Variants in MDGA2 observed in about 807,000 individuals in gnomAD.
MDGA2 encodes the protein MAM domain containing glycosylphosphatidylinositol anchor 2, also known as MAM domain-containing glycosylphosphatidylinositol anchor protein 2.
Under a neutral mutation model 117.8 loss-of-function variants are expected in MDGA2, and 40 were observed. The observed-to-expected ratio is 0.34, with a 90% CI of 0.26 to 0.44. The LOEUF is 0.44. Among genes scored for constraint, MDGA2 ranks in the 20% least tolerant of loss-of-function variants. The probability of loss-of-function intolerance (pLI) is 1.00; values close to 1 mark genes in which losing one functional copy is unlikely to be tolerated. For synonymous variants in MDGA2, 452 were observed against 439.0 expected, an observed-to-expected ratio of 1.03 and a Z score of -0.37; for missense variants, 1,123 against 1,250.6, an observed-to-expected ratio of 0.90 and a Z score of 1.54.
chr14:47,378,951 T>C (rs1402308341), intron 1 of MDGA2, among the ~76,000 whole-genome samples: 2 of 152,044 alleles, frequency 1.3e-5, no homozygotes, highest in African/African-American at 2.4e-5. Flanking sequence ...GAAAAAATGA[T>C]AAGGGCAGCC....
intron 1 of MDGA2, among the ~76,000 whole-genome samples, chr14:47,616,414 A>T (rs1896949716): frequency 6.6e-6 from 1 of 152,230 alleles, no homozygotes; most frequent in African/African-American, 2.4e-5. Flanking sequence ...CAAAAAAAGA[A>T]GAAGACCTAA....
chr14:47,458,941 T>C (rs1199354671), intron 1 of MDGA2, among the ~76,000 whole-genome samples: 1 of 150,318 alleles, frequency 6.7e-6, no homozygotes, highest in African/African-American at 2.5e-5. Flanking sequence ...TTATCTAGTA[T>C]GGTTCTGTGG....
At chr14:47,663,708 G>A (rs537090708) in intron 1 of MDGA2, among the ~76,000 whole-genome samples, 2 of 152,120 alleles carry the variant, frequency 1.3e-5, no homozygotes, top group Admixed American at 6.5e-5. Context: ...AAAACTAGAA[G>A]ATGTGACACA....
At chr14:47,097,660 G>GA (rs1313619535) in intron 5 of MDGA2, among the ~76,000 whole-genome samples, 1 of 151,798 alleles carries the variant, frequency 6.6e-6, no homozygotes, top group Admixed American at 6.6e-5. Flanking sequence ...GTTCTCGAAA[G>GA]AAAAAAATAA....
In MDGA2 at chr14:47,282,176, A is replaced by G. The variant is rs542903074; in HGVS notation, c.420+19235T>C. Among the ~76,000 whole-genome samples, 33 of 152,304 alleles carry G rather than the reference A, an allele frequency of 2.2e-4. No homozygotes were observed. The South Asian group carries it at 6.4e-3, about 30-fold the overall frequency. Reference sequence around the variant, plus strand: ...ATTTTTCTGAAAAACGAATATATGCATAAGCATTCTAAATGTGGCCATTCA... The same window carrying G: ...ATTTTTCTGAAAAACGAATATATGCGTAAGCATTCTAAATGTGGCCATTCA... On this transcript the variant is annotated intron_variant, in intron 2 of 16. Coordinates refer to ENST00000399232, the MANE Select transcript of MDGA2 (RefSeq NM_001113498.3).
Position 47,390,644 on chromosome 14 carries a change from T to A in MDGA2, c.281-89094A>T, listed in dbSNP as rs146504632. On this transcript the variant is annotated intron_variant, in intron 1 of 16. Transcript: ENST00000399232. ...CTGCTCAGACACATAAAAGGGTGAT[T>A]TCTTTCTATCTTCGCAATCTCTTTA... Among the ~76,000 whole-genome samples, 55 of 152,280 alleles carry A rather than the reference T, an allele frequency of 3.6e-4. No homozygotes were observed. The South Asian group carries it at 6.4e-3, about 18-fold the overall frequency.
At chr14:47,219,142 T>G (rs1886206950) in intron 2 of MDGA2, among the ~76,000 whole-genome samples, 1 of 152,090 alleles carries the variant, frequency 6.6e-6, no homozygotes, top group African/African-American at 2.4e-5. Flanking sequence ...AATCCTCTGT[T>G]CAAACACATA....
intron 2 of MDGA2, among the ~76,000 whole-genome samples, chr14:47,297,837 T>C (rs2139800063): frequency 6.6e-6 from 1 of 152,320 alleles, no homozygotes; most frequent in East Asian, 1.9e-4. Flanking sequence ...AAAACCATTT[T>C]TAAAATCTAC....
At chr14:47,280,149 T>C (rs1322844777) in intron 2 of MDGA2, among the ~76,000 whole-genome samples, 1 of 151,668 alleles carries the variant, frequency 6.6e-6, no homozygotes, top group Non-Finnish European at 1.5e-5. Context: ...ACCCCGTCTC[T>C]ATTAAAAATA....
chr14:47,022,487 T>C (rs1391025946), intron 8 of MDGA2, among the ~76,000 whole-genome samples: 1 of 152,152 alleles, frequency 6.6e-6, no homozygotes, highest in Non-Finnish European at 1.5e-5. Flanking sequence ...TATGCAATTA[T>C]GTCATGAAGG....
chr14:46,882,702 AC>A (rs1399087628), intron 10 of MDGA2, among the ~76,000 whole-genome samples: 10 of 152,038 alleles, frequency 6.6e-5, no homozygotes, highest in Non-Finnish European at 1.3e-4. Context: ...GGCACAATAA[AC>A]AAATGTATAA....
intron 2 of MDGA2, among the ~76,000 whole-genome samples, chr14:47,235,114 G>A (rs1886816014): frequency 6.6e-6 from 1 of 152,112 alleles, no homozygotes; most frequent in Non-Finnish European, 1.5e-5. Flanking sequence ...ACTTTCCAAA[G>A]TTAATAAGAC....
At chr14:47,666,793 C>T (rs1235498165) in intron 1 of MDGA2, among the ~76,000 whole-genome samples, 1 of 152,108 alleles carries the variant, frequency 6.6e-6, no homozygotes, top group Non-Finnish European at 1.5e-5. Flanking sequence ...GTACACATTG[C>T]CTTTATGAGC....
chr14:47,662,486 A>G (rs1897869223), intron 1 of MDGA2, among the ~76,000 whole-genome samples: 1 of 67,154 alleles, frequency 1.5e-5, no homozygotes, highest in Non-Finnish European at 2.9e-5. Flanking sequence ...ACTTCTTTGC[A>G]TAAGTAAGCT....
At chr14:47,243,744 C>T (rs1336674981) in intron 2 of MDGA2, among the ~76,000 whole-genome samples, 3 of 151,706 alleles carry the variant, frequency 2.0e-5, no homozygotes, top group Non-Finnish European at 4.4e-5. Context: ...TAACGCTCAC[C>T]GCGAGGGTCC....
chr14:47,542,227 G>C (rs542315604), intron 1 of MDGA2, among the ~76,000 whole-genome samples: 5 of 152,300 alleles, frequency 3.3e-5, no homozygotes, highest in Admixed American at 1.3e-4. Context: ...AGCACCACTT[G>C]TGTTCCATGA....
In MDGA2 at chr14:47,186,381, G is replaced by T. The variant is rs116136861; in HGVS notation, c.595+31640C>A. On this transcript the variant is annotated intron_variant, in intron 3 of 16. Transcript: ENST00000399232. ...AAAATAAGACAAACTTGAAAAAAGA[G>T]TAGAAGGGCTTGCCCTATTAAATAT... 5.2e-3 allele frequency among the ~76,000 whole-genome samples: 789 copies of T among 151,702 alleles called. 10 individuals carry two copies. The highest frequency in any genetic ancestry group is 0.018 in the African/African-American group (752 of 41,456).
At chr14:47,247,077 G>A (rs1259799918) in intron 2 of MDGA2, among the ~76,000 whole-genome samples, 2 of 151,766 alleles carry the variant, frequency 1.3e-5, no homozygotes, top group Non-Finnish European at 2.9e-5. Flanking sequence ...GTAATGTTAA[G>A]GCTATACTTC....
chr14:47,673,538 C>G (rs183482218), intron 1 of MDGA2, among the ~76,000 whole-genome samples: 143 of 152,166 alleles, frequency 9.4e-4, no homozygotes, highest in Admixed American at 2.0e-3. Flanking sequence ...TAACCTCCCA[C>G]CAGACCTCAA....
Sources: allele counts gnomAD v4.1 joint callset (sites outside exome capture counted in the v4.1 genomes callset), GRCh38; gene constraint gnomAD v4.1.1; transcripts MANE v1.5; gene names NCBI Gene and HGNC (gene_info 2026-07-23, HGNC 2026-07-21).